ANAPC7: variants seen among roughly 807,000 people sequenced by gnomAD.
ANAPC7 encodes the protein anaphase promoting complex subunit 7.
In ANAPC7, 25 loss-of-function variants were observed where a neutral mutation model predicts 63.3. The observed-to-expected ratio is 0.39, with a 90% CI of 0.29 to 0.55. ANAPC7 has a LOEUF of 0.55. Among genes scored for constraint, ANAPC7 ranks in the 20% least tolerant of loss-of-function variants. The probability of loss-of-function intolerance (pLI) is 0.57; values close to 1 mark genes in which losing one functional copy is unlikely to be tolerated. For missense variants in ANAPC7, 516 were observed against 691.7 expected (o/e 0.75, Z 2.85); for synonymous variants, 241 against 251.7 (o/e 0.96, Z 0.40).
At position 110,376,070 on chromosome 12, in the gene ANAPC7, G is replaced by A; in HGVS notation, c.1504C>T (p.Leu502=). 6.2e-7 allele frequency: 1 copy of A among 1,613,698 alleles called. No homozygotes were observed. Among genetic ancestry groups the A allele is most frequent in the Non-Finnish European group, 8.5e-7 (1 of 1,179,780 alleles). ...QEAMDQYSIA[L]SLDPNDQKSL... ...CCAAGGGAGGCTAGTGCCTACCTTA[G>A]TGCTATACTATACTGGTCCATTGCC... Residue 502 remains leucine (L), a synonymous_variant, in exon 10 of 11, where the codon CTA becomes TTA. Transcript: ENST00000455511.
At chr12:110,394,870 A>G (rs899500983) in intron 3 of ANAPC7, among the ~76,000 whole-genome samples, 1 of 152,046 alleles carries the variant, frequency 6.6e-6, no homozygotes, top group Non-Finnish European at 1.5e-5. Context: ...AGTTAAACAT[A>G]AAAAATAAAA....
chr12:110,391,055 C>T (rs748460716), intron 3 of ANAPC7, among the ~76,000 whole-genome samples: 21 of 151,882 alleles, frequency 1.4e-4, no homozygotes, highest in Non-Finnish European at 2.2e-4. Flanking sequence ...GCAGGTGCAG[C>T]GGTACGCGCC....
chr12:110,385,160 G>T (rs975915424), intron 6 of ANAPC7, among the ~76,000 whole-genome samples: 1 of 152,030 alleles, frequency 6.6e-6, no homozygotes, highest in African/African-American at 2.4e-5. Context: ...CCAGCTACTC[G>T]GGAGGCTGAG....
intron 1 of ANAPC7, among the ~76,000 whole-genome samples, chr12:110,397,891 G>C (rs2062167421): frequency 6.6e-6 from 1 of 150,774 alleles, no homozygotes; most frequent in South Asian, 2.1e-4. Flanking sequence ...GTGAAACTCT[G>C]TCTTTTAAAA....
At chr12:110,382,457 A>AT (rs1251192302) in intron 7 of ANAPC7, among the ~76,000 whole-genome samples, 940 of 64,288 alleles carry the variant, frequency 0.015, 6 homozygotes, top group Middle Eastern at 0.028. Flanking sequence ...AAAAAAAAAA[A>AT]AAAAATATAT....
chr12:110,375,342 C>A, intron 10 of ANAPC7: 1 of 854,026 alleles, frequency 1.2e-6, no homozygotes, highest in Non-Finnish European at 1.4e-6. Flanking sequence ...CCAGTTGTCA[C>A]TGAGATGCTA....
At chr12:110,387,016 GCC>G (rs927838845) in intron 5 of ANAPC7, 1 of 152,306 alleles carries the variant, frequency 6.6e-6, no homozygotes, top group African/African-American at 2.4e-5. Flanking sequence ...AATCACTTGA[GCC>G]CAGGAATTCA....
intron 10 of ANAPC7, 199 bp downstream of exon 10, chr12:110,375,867 C>G: frequency 1.5e-6 from 2 of 1,295,254 alleles, no homozygotes; most frequent in Non-Finnish European, 2.0e-6. Flanking sequence ...TGAAACAGTT[C>G]TCTAATGTTG....
intron 6 of ANAPC7, among the ~76,000 whole-genome samples, chr12:110,384,659 G>C (rs1882285355): frequency 6.6e-6 from 1 of 150,618 alleles, no homozygotes; most frequent in Non-Finnish European, 1.5e-5. Context: ...ACTCCAGCCT[G>C]TGAGACTCTG....
intron 3 of ANAPC7, among the ~76,000 whole-genome samples, chr12:110,391,586 G>C (rs1029175668): frequency 4.6e-5 from 7 of 152,164 alleles, no homozygotes; most frequent in African/African-American, 1.7e-4. Flanking sequence ...GAGCACTACA[G>C]AATGAAGGAT....
intron 3 of ANAPC7, among the ~76,000 whole-genome samples, chr12:110,394,001 T>C (rs1883333228): frequency 6.9e-6 from 1 of 144,664 alleles, no homozygotes; most frequent in Admixed American, 7.0e-5. Flanking sequence ...TGAAACACCA[T>C]CTCTACTAAA....
At chr12:110,383,894 A>AAAAAG (rs1566265857) in intron 6 of ANAPC7, among the ~76,000 whole-genome samples, 1 of 132,022 alleles carries the variant, frequency 7.6e-6, no homozygotes, top group Non-Finnish European at 1.6e-5. Context: ...AAAAAAAAAA[A>AAAAAG]AAAAGAAAAA....
intron 6 of ANAPC7, 68 bp from the exon 7 acceptor site, chr12:110,383,028 T>A: frequency 8.1e-7 from 1 of 1,234,208 alleles, no homozygotes; most frequent in Non-Finnish European, 1.2e-6. Context: ...CATACAGGAG[T>A]AGCACCCAAC....
intron 3 of ANAPC7, 115 bp downstream of exon 3, chr12:110,394,986 G>T (rs1883446507): frequency 3.1e-6 from 4 of 1,293,498 alleles, no homozygotes; most frequent in African/African-American, 1.5e-5. Flanking sequence ...AAGAAAATGA[G>T]AATTAGAATC....
intron 7 of ANAPC7, among the ~76,000 whole-genome samples, chr12:110,382,374 C>T (rs1881935314): frequency 7.0e-6 from 1 of 142,738 alleles, no homozygotes; most frequent in Admixed American, 7.3e-5. Context: ...AGAATACAGA[C>T]CTAGATAGGT....
rs774268194 is a variant in ANAPC7, at chr12:110,403,653, G to C, written c.-26C>G. 6 of 1,573,864 alleles carry C rather than the reference G, an allele frequency of 3.8e-6. No homozygotes were observed. Among genetic ancestry groups the C allele is most frequent in the Non-Finnish European group, 5.2e-6 (6 of 1,159,200 alleles). ...CCTGCTCTGCAAAGCCGCGGGCAGC[G>C]GCGGCAGCACTGACTCGAAAAGCCG... On this transcript the variant is annotated 5_prime_UTR_variant, in exon 1 of 11. Coordinates refer to ENST00000455511, the MANE Select transcript of ANAPC7 (RefSeq NM_016238.3).
At chr12:110,395,875 A>G (rs760373488) in intron 2 of ANAPC7, among the ~76,000 whole-genome samples, 14 of 152,162 alleles carry the variant, frequency 9.2e-5, no homozygotes, top group Non-Finnish European at 1.5e-4. Context: ...GCTATCATCT[A>G]AATCAGCGGT....
intron 3 of ANAPC7, among the ~76,000 whole-genome samples, chr12:110,389,397 T>TA: frequency 6.6e-6 from 1 of 152,282 alleles, no homozygotes; most frequent in East Asian, 1.9e-4. Context: ...GAAAGACAGA[T>TA]AAAGAAGTAT....
rs753952124 is a variant in ANAPC7, at chr12:110,396,472, G to A, written c.102-20C>T. 56 of 1,561,714 alleles carry A rather than the reference G, an allele frequency of 3.6e-5. No homozygotes were observed. The highest frequency in any genetic ancestry group is 4.5e-5 in the Non-Finnish European group (52 of 1,154,656). On this transcript the variant is annotated intron_variant, in intron 1 of 10. Coordinates refer to ENST00000455511, the MANE Select transcript of ANAPC7 (RefSeq NM_016238.3). ...AACTCACTAGAAAACAAGAGAAAAT[G>A]TAATACATCTTTTCCTCCCTTTCAA... is the stretch of plus-strand genomic sequence containing the variant.
Sources: gnomAD v4.1 joint callset for allele counts (sites outside exome capture counted in the v4.1 genomes callset) on GRCh38, gnomAD v4.1.1 for gene constraint, MANE v1.5 for transcripts, NCBI Gene and HGNC (gene_info 2026-07-23, HGNC 2026-07-21) for gene names.